The following CDH13 variants were observed in gnomAD, a reference collection of about 807,000 sequenced individuals.
CDH13 encodes cadherin 13.
Under a neutral mutation model 63.8 loss-of-function variants are expected in CDH13, and 24 were observed. That is an observed-to-expected ratio of 0.38 (90% confidence interval 0.27 to 0.53). CDH13 has a LOEUF of 0.53. Among genes scored for constraint, CDH13 ranks in the 20% least tolerant of loss-of-function variants. The pLI, the probability that CDH13 is intolerant of heterozygous loss-of-function variation, is 0.85. For synonymous variants in CDH13, 503 were observed against 355.3 expected, an observed-to-expected ratio of 1.42 and a Z score of -4.67; for missense variants, 1,049 against 903.1, an observed-to-expected ratio of 1.16 and a Z score of -2.07.
chr16:83,055,451 T>C (rs953066776), intron 3 of CDH13, among the ~76,000 whole-genome samples: 3 of 151,122 alleles, frequency 2.0e-5, no homozygotes, highest in Admixed American at 1.3e-4. Flanking sequence ...CTTTCAAGAA[T>C]AAGAAAAAAG....
At chr16:82,947,307 AC>A (rs1281890403) in intron 2 of CDH13, among the ~76,000 whole-genome samples, 2 of 152,048 alleles carry the variant, frequency 1.3e-5, no homozygotes, top group Non-Finnish European at 2.9e-5. Context: ...CTTATTTCTT[AC>A]ACAAGAGTGA....
intron 5 of CDH13, among the ~76,000 whole-genome samples, chr16:83,259,553 GACATAGTACTT>G (rs371805353): frequency 8.7e-4 from 133 of 152,234 alleles, no homozygotes; most frequent in African/African-American, 2.7e-3. Flanking sequence ...GGAAATGTGC[GACATAGTACTT>G]ACATAGATTA....
At chr16:83,107,215 G>T (rs1028963231) in intron 3 of CDH13, among the ~76,000 whole-genome samples, 1 of 152,178 alleles carries the variant, frequency 6.6e-6, no homozygotes, top group African/African-American at 2.4e-5. Flanking sequence ...GGTTGGCCAG[G>T]CAGGTAGCTA....
intron 1 of CDH13, among the ~76,000 whole-genome samples, chr16:82,734,469 A>G (rs1318704666): frequency 6.6e-6 from 1 of 152,124 alleles, no homozygotes; most frequent in African/African-American, 2.4e-5. Context: ...CAAAGGGGTG[A>G]GTGGAGGGCA....
chr16:82,834,733 A>T (rs1438325721), intron 1 of CDH13, among the ~76,000 whole-genome samples: 2 of 152,158 alleles, frequency 1.3e-5, no homozygotes, highest in Non-Finnish European at 2.9e-5. Flanking sequence ...GTCCATGGGG[A>T]TATTCACTGG....
intron 2 of CDH13, among the ~76,000 whole-genome samples, chr16:82,962,397 G>A (rs892377601): frequency 7.2e-5 from 11 of 152,232 alleles, no homozygotes; most frequent in Non-Finnish European, 1.3e-4. Context: ...CTGGCCTCCA[G>A]AGGTATGAGA....
intron 10 of CDH13, among the ~76,000 whole-genome samples, chr16:83,736,570 A>C (rs1489881160): frequency 2.0e-5 from 3 of 152,154 alleles, no homozygotes; most frequent in Non-Finnish European, 4.4e-5. Flanking sequence ...TGTCTTTGCA[A>C]AGACACTTAT....
intron 4 of CDH13, chr16:83,171,519 C>G: frequency 6.5e-7 from 1 of 1,533,030 alleles, no homozygotes; most frequent in Non-Finnish European, 8.7e-7. Flanking sequence ...CTTTGTTTTT[C>G]AGATGAAGAT....
At chr16:83,286,659 G>C (rs753408015) in intron 5 of CDH13, among the ~76,000 whole-genome samples, 7 of 151,678 alleles carry the variant, frequency 4.6e-5, no homozygotes, top group Non-Finnish European at 8.8e-5. Flanking sequence ...GGGGGGCTGA[G>C]GCAGGAGAAT....
intron 6 of CDH13, chr16:83,397,981 G>T (rs934229205): frequency 6.6e-6 from 1 of 152,248 alleles, no homozygotes; most frequent in African/African-American, 2.4e-5. Context: ...TGGTCTATTT[G>T]CAGGTGCAGG....
chr16:83,085,620 G>A (rs377483480), intron 3 of CDH13, among the ~76,000 whole-genome samples: 97 of 152,314 alleles, frequency 6.4e-4, no homozygotes, highest in African/African-American at 2.2e-3. Flanking sequence ...CTGCAAAGGA[G>A]GCTGACACAG....
intron 1 of CDH13, among the ~76,000 whole-genome samples, chr16:82,750,165 C>A (rs1031816911): frequency 6.6e-6 from 1 of 152,122 alleles, no homozygotes; most frequent in Admixed American, 6.5e-5. Flanking sequence ...AGCAGCGATG[C>A]TTCAGAGGGC....
intron 1 of CDH13, among the ~76,000 whole-genome samples, chr16:82,712,355 G>C (rs527920723): frequency 6.6e-6 from 1 of 152,220 alleles, no homozygotes; most frequent in Non-Finnish European, 1.5e-5. Context: ...GTATAAAAAT[G>C]CTCCCTTCTG....
rs1208587070 is a variant in CDH13 at position 83,175,830 on chromosome 16, T to C, written c.484-41515T>C. On this transcript the variant is annotated intron_variant, in intron 4 of 13. Coordinates refer to ENST00000567109, the MANE Select transcript of CDH13 (RefSeq NM_001257.5). Reference sequence around the variant, plus strand: ...CTGTTTTTTCAACCTGCTTTTTTTTTTTTTTTTTTTTTTTTGAGACGGAGT... The same window carrying C: ...CTGTTTTTTCAACCTGCTTTTTTTTCTTTTTTTTTTTTTTTGAGACGGAGT... Among the ~76,000 whole-genome samples, 3 of 143,392 alleles carry C rather than the reference T, an allele frequency of 2.1e-5. No homozygotes were observed. The East Asian group carries it at 6.0e-4, about 29-fold the overall frequency. The allele number at this position is 143,392 out of a possible 152,430, so 94.1% of individuals were successfully genotyped here. A position where few individuals can be genotyped will look rare whatever the true frequency, so the allele number is the denominator to read the frequency against.
intron 5 of CDH13, among the ~76,000 whole-genome samples, chr16:83,221,030 T>A (rs749295771): frequency 2.2e-4 from 34 of 152,260 alleles, no homozygotes; most frequent in Non-Finnish European, 8.8e-5. Context: ...AGCAAATAGC[T>A]GTTAAACAAC....
intron 2 of CDH13, among the ~76,000 whole-genome samples, chr16:82,978,568 G>A (rs1008271252): frequency 2.0e-5 from 3 of 152,252 alleles, no homozygotes; most frequent in African/African-American, 7.2e-5. Context: ...TACAGCTCAG[G>A]TTGTGGCTTC....
intron 6 of CDH13, among the ~76,000 whole-genome samples, chr16:83,388,062 C>T (rs1223418278): frequency 6.6e-6 from 1 of 152,044 alleles, no homozygotes; most frequent in Non-Finnish European, 1.5e-5. Context: ...CCTACTCTGA[C>T]AGAGACCAAG....
intron 6 of CDH13, among the ~76,000 whole-genome samples, chr16:83,374,594 C>A (rs2091428582): frequency 6.6e-6 from 1 of 152,138 alleles, no homozygotes; most frequent in African/African-American, 2.4e-5. Flanking sequence ...GAACTCGTAC[C>A]CACTTCAGGA....
intron 4 of CDH13, among the ~76,000 whole-genome samples, chr16:83,198,387 C>A (rs1267551636): frequency 6.6e-6 from 1 of 151,806 alleles, no homozygotes; most frequent in Non-Finnish European, 1.5e-5. Context: ...TATGTGGGGA[C>A]TAAGCATCCA....
Sources: gnomAD v4.1 joint callset for allele counts (sites outside exome capture counted in the v4.1 genomes callset) on GRCh38, gnomAD v4.1.1 for gene constraint, MANE v1.5 for transcripts, NCBI Gene and HGNC (gene_info 2026-07-23, HGNC 2026-07-21) for gene names.